Variants in ZMYM3 observed in about 807,000 individuals in gnomAD.
ZMYM3 encodes the protein zinc finger MYM-type protein 3.
ZMYM3 carries 6 observed loss-of-function variants against 94.2 expected under a neutral mutation model. The observed-to-expected ratio is 0.06, with a 90% CI of 0.03 to 0.13. The LOEUF (loss-of-function observed/expected upper bound fraction) is 0.13. ZMYM3 is among the 10% of genes least tolerant of loss of function. The probability of loss-of-function intolerance (pLI) is 1.00; values close to 1 mark genes in which losing one functional copy is unlikely to be tolerated. For synonymous variants in ZMYM3, 420 were observed against 426.5 expected (o/e 0.98, Z 0.19); for missense variants, 664 against 1,132.6 (o/e 0.59, Z 5.94).
At position 71,250,170 on chromosome X, in the gene ZMYM3, C is replaced by A. The variant is rs138178377; in HGVS notation, c.1107G>T (p.Ala369=). Residue 369 remains alanine (A), a synonymous_variant, in exon 6 of 25, where the codon GCG becomes GCT. Transcript: ENST00000314425. Reference sequence around the variant, plus strand: ...GGAAGGAGCCTCCAGAACCAGTCTGCGCCACAACCGAGTCCTTGGTGTTCC... The same window carrying A: ...GGAAGGAGCCTCCAGAACCAGTCTGAGCCACAACCGAGTCCTTGGTGTTCC... ...EIWNTKDSVV[A]QTGSGGSFHE... 8.4e-7 allele frequency: 1 copy of A among 1,192,659 alleles called. No homozygotes were observed. Among genetic ancestry groups the A allele is most frequent in the Non-Finnish European group, 1.1e-6 (1 of 887,150 alleles).
Position 71,245,258 on chromosome X carries a change from G to A in ZMYM3, c.3007+81C>T, listed in dbSNP as rs761557580. 15 of 1,141,180 alleles carry A rather than the reference G, an allele frequency of 1.3e-5. No individual in the cohort carries two copies. In the African/African-American group the frequency reaches 2.7e-4, roughly 21 times the overall value. 94.0% of individuals were successfully genotyped at this position (1,141,180 alleles called of 1,213,427 possible). On this transcript the variant is annotated intron_variant, in intron 18 of 24. Transcript: ENST00000314425. Reference sequence around the variant, plus strand: ...CACAATGAACACTTTTCAGGGTCATGCTCAGGGACACAAGGGACACTCCCT... The same window carrying A: ...CACAATGAACACTTTTCAGGGTCATACTCAGGGACACAAGGGACACTCCCT...
intron 4 of ZMYM3, 61 bp from the exon 5 acceptor site, chrX:71,250,787 T>C: frequency 9.5e-7 from 1 of 1,058,178 alleles, no homozygotes; most frequent in Non-Finnish European, 1.3e-6. Context: ...AACCATCCCC[T>C]GACCAACAGT....
intron 1 of ZMYM3, among the ~76,000 whole-genome samples, chrX:71,253,700 C>A (rs1442260282): frequency 2.4e-5 from 2 of 82,192 alleles, no homozygotes; most frequent in Non-Finnish European, 4.8e-5. Flanking sequence ...AGCCCCCCAG[C>A]TCCCCAGTCT....
intron 4 of ZMYM3, 146 bp downstream of exon 4, chrX:71,251,032 T>C: frequency 1.6e-6 from 1 of 614,180 alleles, no homozygotes; most frequent in Admixed American, 3.2e-5. Context: ...CTGGTTCCCA[T>C]GCCAACCCAT....
rs2029915523 is a variant in ZMYM3 at position 71,240,915 on chromosome X, C to T, written c.*1G>A. 31 of 1,206,162 alleles carry T rather than the reference C, an allele frequency of 2.6e-5. No homozygotes were observed. Among genetic ancestry groups the T allele is most frequent in the Middle Eastern group, 2.3e-4 (1 of 4,360 alleles). ...AAGATGGATATGGATGGCACACGAG[C>T]TCAGTCCAGGTCTTCCTCCCCAGGA... On this transcript the variant is annotated 3_prime_UTR_variant, in exon 25 of 25. Coordinates refer to ENST00000314425, the MANE Select transcript of ZMYM3 (RefSeq NM_201599.3).
At chrX:71,252,376 C>T (rs759298868) in intron 2 of ZMYM3, among the ~76,000 whole-genome samples, 1 of 103,866 alleles carries the variant, frequency 9.6e-6, no homozygotes, top group Admixed American at 1.1e-4. Flanking sequence ...TACCCCATTC[C>T]TCCCCCACAG....
intron 2 of ZMYM3, among the ~76,000 whole-genome samples, chrX:71,252,099 G>C (rs1240384971): frequency 9.0e-6 from 1 of 110,880 alleles, no homozygotes; most frequent in Non-Finnish European, 1.9e-5. Context: ...TCCCCTATCA[G>C]AGACGCAATC....
At chrX:71,253,357 A>C in intron 1 of ZMYM3, 83 bp from the exon 2 acceptor site, 1 of 778,306 alleles carries the variant, frequency 1.3e-6, no homozygotes, top group South Asian at 3.6e-5. Flanking sequence ...GACACACCCC[A>C]TCATCCACTT....
chrX:71,246,138 A>G (rs1346399376), intron 15 of ZMYM3, 40 bp from the exon 16 acceptor site: 3 of 1,164,370 alleles, frequency 2.6e-6, no homozygotes. Flanking sequence ...ACCCTGCTGG[A>G]CTGGTCACAT....
In ZMYM3 at chrX:71,244,311, G is replaced by A. The variant is rs773814463; in HGVS notation, c.3271C>T (p.Arg1091Cys). Residue 1091 changes from arginine to cysteine, a missense_variant, in exon 20 of 25, where the codon CGC becomes TGC. Transcript: ENST00000314425. ...NGETSKGDEL[R>C]FGPKPMRIKE... is the part of the protein sequence containing the mutation. ...ATCCCCAAGTACTTACGGCCAAAGC[G>A]CAGCTCATCACCCTTGCTGGTTTCT... is the stretch of plus-strand genomic sequence containing the variant. 7 of 1,198,302 alleles carry A rather than the reference G, an allele frequency of 5.8e-6. No individual in the cohort carries two copies. The highest frequency in any genetic ancestry group is 4.5e-5 in the Admixed American group (2 of 44,813).
chrX:71,241,387 C>T (rs1286815521), intron 23 of ZMYM3, 43 bp from the exon 24 acceptor site: 15 of 1,031,798 alleles, frequency 1.5e-5, no homozygotes, highest in Non-Finnish European at 2.0e-5. Context: ...AGAACACAGG[C>T]TCCATGAGCC....
chrX:71,242,812 T>C (rs2030002345), intron 22 of ZMYM3, among the ~76,000 whole-genome samples, 158 bp downstream of exon 22: 1 of 112,049 alleles, frequency 8.9e-6, no homozygotes, highest in African/African-American at 3.3e-5. Flanking sequence ...CAGGCGCTCC[T>C]GTGCTCCTTT....
Position 71,245,655 on chromosome X carries a change from A to G in ZMYM3, c.2860+13T>C. On this transcript the variant is annotated intron_variant, in intron 17 of 24. Transcript: ENST00000314425. ...GCACCCTGTCTCCCTCGTCGCCACC[A>G]TCTATGGCATACCACAAAGGTCAGA... The G allele has an allele frequency of 8.3e-7, 1 of 1,208,682 alleles. No homozygotes were observed. Among genetic ancestry groups the G allele is most frequent in the Non-Finnish European group, 1.1e-6 (1 of 893,966 alleles).
chrX:71,249,756 C>A, intron 6 of ZMYM3, 77 bp from the exon 7 acceptor site: 4 of 1,148,799 alleles, frequency 3.5e-6, no homozygotes, highest in Non-Finnish European at 4.6e-6. Context: ...AGCCCCCCAC[C>A]TCACCCTAGA....
intron 7 of ZMYM3, 25 bp downstream of exon 7, chrX:71,249,436 T>TAATGC (rs1394903393): frequency 1.0e-5 from 12 of 1,171,058 alleles, no homozygotes; most frequent in Non-Finnish European, 1.4e-5. Flanking sequence ...CACAGCCCTC[T>TAATGC]AATGCACTAC....
intron 15 of ZMYM3, 119 bp downstream of exon 15, chrX:71,246,234 C>A: frequency 9.2e-7 from 1 of 1,090,433 alleles, no homozygotes. Flanking sequence ...GATTCTAGGA[C>A]AACCATATGA....
At chrX:71,254,694 TC>T (rs1315789750), upstream of ZMYM3, 1 of 92,859 alleles carries the variant, frequency 1.1e-5, no homozygotes, top group African/African-American at 4.1e-5. Flanking sequence ...AAGATTACCC[TC>T]CCCCATCCCC....
rs138317163 is a variant in ZMYM3 at position 71,245,750 on chromosome X, G to A, written c.2778C>T (p.Asn926=). 10 of 1,209,843 alleles carry A rather than the reference G, an allele frequency of 8.3e-6. No homozygotes were observed. The African/African-American group carries it at 1.2e-4, about 15-fold the overall frequency. ...TAGCCAGGATGTCGGCCTCCAAGGG[G>A]TTGGAAGGGATCTTCACCTTCAGCT... ...IEELKVKIPS[N]PLEADILAMA... Residue 926 remains asparagine (N), a synonymous_variant, in exon 17 of 25, where the codon AAC becomes AAT. Transcript: ENST00000314425.
chrX:71,251,755 T>G, intron 2 of ZMYM3, 154 bp from the exon 3 acceptor site: 1 of 753,013 alleles, frequency 1.3e-6, no homozygotes, highest in Non-Finnish European at 1.6e-6. Flanking sequence ...CTCTCAGGGT[T>G]ACCTCAGGCT....
Sources: allele counts gnomAD v4.1 joint callset (sites outside exome capture counted in the v4.1 genomes callset), GRCh38; gene constraint gnomAD v4.1.1; transcripts MANE v1.5; gene names NCBI Gene and HGNC (gene_info 2026-07-23, HGNC 2026-07-21).